Variants in SLC4A1AP observed in about 807,000 individuals in gnomAD.
SLC4A1AP encodes the protein kanadaptin.
SLC4A1AP carries 64 observed loss-of-function variants against 89.7 expected under a neutral mutation model. The observed-to-expected ratio is 0.71, with a 90% confidence interval of 0.58 to 0.88. The LOEUF is 0.88. Among genes scored for constraint, SLC4A1AP ranks in the 40% least tolerant of loss-of-function variants. The probability of loss-of-function intolerance (pLI) is 0.00; values close to 1 mark genes in which losing one functional copy is unlikely to be tolerated. For missense variants in SLC4A1AP, 931 were observed against 965.0 expected (o/e 0.96, Z 0.47); for synonymous variants, 366 against 353.3 (o/e 1.04, Z -0.40).
In SLC4A1AP at chr2:27,675,639, A is replaced by G. The variant is rs1293261765; in HGVS notation, c.1453A>G (p.Arg485Gly). ...CCTGATTGAGAAGAAGCGTCTGAAC[A>G]GAATGAAGAAGGCTGGCAAGATTGA... Residue 485 changes from arginine to glycine, a missense_variant, in exon 6 of 14, where the codon AGA (arginine) becomes GGA (glycine). Transcript: ENST00000613058. The G allele has an allele frequency of 5.6e-6, 9 of 1,605,606 alleles. No individual in the cohort carries two copies. Among genetic ancestry groups the G allele is most frequent in the African/African-American group, 4.0e-5 (3 of 74,832 alleles).
chr2:27,693,424 CTTTTG>C (rs1413106892), intron 12 of SLC4A1AP: 1 of 422,250 alleles, frequency 2.4e-6, no homozygotes, highest in East Asian at 3.9e-5. Context: ...GCATGCCAAC[CTTTTG>C]TTTTAAGATT....
Position 27,667,400 on chromosome 2 carries a change from C to G in SLC4A1AP, c.1144+10C>G. 6.2e-7 allele frequency: 1 copy of G among 1,609,948 alleles called. No homozygotes were observed. The highest frequency in any genetic ancestry group is 8.5e-7 in the Non-Finnish European group (1 of 1,178,438). Reference sequence around the variant, plus strand: ...TTTTTTGACCGAGAAGGTATGTAAACAGATTCTGACCCTACCACTAAAACA... The same window carrying G: ...TTTTTTGACCGAGAAGGTATGTAAAGAGATTCTGACCCTACCACTAAAACA... On this transcript the variant is annotated intron_variant, in intron 3 of 13. Transcript: ENST00000613058.
chr2:27,677,849 A>T, exon 8 of SLC4A1AP: 1 of 1,613,878 alleles, frequency 6.2e-7, no homozygotes, highest in Admixed American at 1.7e-5. Context: ...AGAACTTTTG[A>T]ACTGAGGAAA....
intron 5 of SLC4A1AP, among the ~76,000 whole-genome samples, chr2:27,670,129 CTGGGA>C (rs1675398411): frequency 6.6e-6 from 1 of 152,120 alleles, no homozygotes; most frequent in African/African-American, 2.4e-5. Context: ...TCCCAAAGTG[CTGGGA>C]TTACAGGCAT....
intron 5 of SLC4A1AP, 78 bp downstream of exon 5, chr2:27,669,465 G>T: frequency 7.5e-7 from 1 of 1,328,500 alleles, no homozygotes; most frequent in Non-Finnish European, 1.0e-6. Context: ...ACTTCTTTAT[G>T]GGGGGAAAAT....
intron 8 of SLC4A1AP, among the ~76,000 whole-genome samples, chr2:27,680,860 C>T (rs200283678): frequency 2.0e-5 from 3 of 149,862 alleles, no homozygotes; most frequent in East Asian, 2.0e-4. Flanking sequence ...AAAACGAAAA[C>T]GAAATATGTC....
chr2:27,663,908 G>T (rs147497764), exon 1 of SLC4A1AP: 2 of 1,614,044 alleles, frequency 1.2e-6, no homozygotes, highest in Admixed American at 3.3e-5. Flanking sequence ...AGTTGCACCG[G>T]TTGAGGATGG....
chr2:27,668,532 C>G, intron 3 of SLC4A1AP: 2 of 508,928 alleles, frequency 3.9e-6, no homozygotes, highest in Non-Finnish European at 7.6e-6. Context: ...TCACTGCAAC[C>G]TTGACCTCCT....
Position 27,677,712 on chromosome 2 carries a change from A to AT in SLC4A1AP, c.1577-26_1577-25insT, listed in dbSNP as rs770101102. ...AAAATATTCAGGATCATCTTTCTAA[A>AT]CATGTGTTATTCTTTTCTTGGACAG... On this transcript the variant is annotated intron_variant, in intron 7 of 13. Transcript: ENST00000613058. 4.6e-6 allele frequency: 7 copies of AT among 1,537,652 alleles called. No individual in the cohort carries two copies. The East Asian group carries it at 1.4e-4, about 30-fold the overall frequency.
At chr2:27,668,733 A>C (rs1675374706) in intron 3 of SLC4A1AP, 110 bp from the exon 4 acceptor site, 3 of 999,670 alleles carry the variant, frequency 3.0e-6, no homozygotes, top group Non-Finnish European at 4.7e-6. Context: ...TACAGGCGTG[A>C]GCCACTGCTA....
rs550824711 is a variant in SLC4A1AP at position 27,682,531 on chromosome 2, T to C, written c.1875+172T>C. Among the ~76,000 whole-genome samples the C allele has an allele frequency of 2.0e-3, 307 of 151,254 alleles. 3 individuals carry two copies. The highest frequency in any genetic ancestry group is 6.8e-3 in the African/African-American group (278 of 41,122). On this transcript the variant is annotated intron_variant, in intron 9 of 13. Coordinates refer to ENST00000613058, the Ensembl canonical transcript of SLC4A1AP. ...GAACTTGGTTCTTGGATTCTTTTTT[T>C]TTTTTTTTTTTGGAGACAGAGTCTC...
At chr2:27,672,815 T>C (rs1201250340) in intron 5 of SLC4A1AP, among the ~76,000 whole-genome samples, 1 of 152,224 alleles carries the variant, frequency 6.6e-6, no homozygotes, top group Admixed American at 6.5e-5. Context: ...TTGGTTTTCC[T>C]CGTCTGTGAG....
At chr2:27,682,500 T>G in intron 9 of SLC4A1AP, 141 bp downstream of exon 9, 1 of 519,396 alleles carries the variant, frequency 1.9e-6, no homozygotes, top group East Asian at 3.5e-5. Flanking sequence ...GATCACATCT[T>G]TCCCAGAACT....
At position 27,664,293 on chromosome 2, in the gene SLC4A1AP, C is replaced by G. The variant is rs9679004; in HGVS notation, c.541C>G (p.Arg181Gly). The change falls in exon 1 of 14, where the codon CGT becomes GGT. Residue 181 changes from arginine to glycine, a missense_variant. Arg to Gly is a moderately radical substitution (Grantham distance 125). Transcript: ENST00000613058. Reference sequence around the variant, plus strand: ...GAAGGGCGGCACTATCCTTGGCACCCGTAGCTTGAAAGGGACGAGTTACTG... The same window carrying G: ...GAAGGGCGGCACTATCCTTGGCACCGGTAGCTTGAAAGGGACGAGTTACTG... 1 of 1,614,086 alleles carries G rather than the reference C, an allele frequency of 6.2e-7. No homozygotes were observed. The highest frequency in any genetic ancestry group is 2.2e-5 in the East Asian group (1 of 44,888).
exon 1 of SLC4A1AP, chr2:27,664,415 C>T (rs1281291997): frequency 1.9e-6 from 3 of 1,614,178 alleles, no homozygotes; most frequent in East Asian, 4.5e-5. Context: ...CCGGCCCTGA[C>T]GGAGAATGCG....
intron 8 of SLC4A1AP, among the ~76,000 whole-genome samples, chr2:27,679,534 G>A (rs1675583842): frequency 6.6e-6 from 1 of 152,156 alleles, no homozygotes; most frequent in African/African-American, 2.4e-5. Flanking sequence ...CCAGGAAGGT[G>A]GAGCTGGCAG....
chr2:27,674,733 T>TA (rs1228762252), intron 5 of SLC4A1AP, among the ~76,000 whole-genome samples: 1 of 149,682 alleles, frequency 6.7e-6, no homozygotes, highest in Non-Finnish European at 1.5e-5. Flanking sequence ...TTTTTTGAGA[T>TA]AGAGTTTCAC....
At chr2:27,675,679 C>T (rs1296586610) in exon 6 of SLC4A1AP, 1 of 1,569,660 alleles carries the variant, frequency 6.4e-7, no homozygotes, top group Admixed American at 1.8e-5. Flanking sequence ...AAGCCAGAGA[C>T]CTTTGAATCA....
At chr2:27,666,352 ACCCCCCACCCCCCCCCCCCAC>A (rs1675320056) in intron 2 of SLC4A1AP, among the ~76,000 whole-genome samples, 1 of 3,424 alleles carries the variant, frequency 2.9e-4, no homozygotes, top group Non-Finnish European at 8.8e-4. Flanking sequence ...CTTGTGATCC[ACCCCCCACCCCCCCCCCCCAC>A]CCCGCCCCCC....
Sources: allele counts gnomAD v4.1 joint callset (sites outside exome capture counted in the v4.1 genomes callset), GRCh38; gene constraint gnomAD v4.1.1; transcripts MANE v1.5; gene names NCBI Gene and HGNC (gene_info 2026-07-23, HGNC 2026-07-21).